USP53: variants seen among roughly 807,000 people sequenced by gnomAD.
The protein encoded by USP53 is ubiquitin specific peptidase 53, also known as ubiquitin carboxyl-terminal hydrolase 53.
Under a neutral mutation model 94.9 loss-of-function variants are expected in USP53, and 71 were observed. That is an observed-to-expected ratio of 0.75 (90% CI 0.62 to 0.91). The LOEUF (loss-of-function observed/expected upper bound fraction) is 0.91, where lower values mean the gene tolerates loss of function less well. USP53 is among the 40% of genes least tolerant of loss of function. The pLI is 0.00. For synonymous variants in USP53, 375 were observed against 422.7 expected (o/e 0.89, Z 1.39); for missense variants, 1,173 against 1,281.0 (o/e 0.92, Z 1.29).
At position 119,271,990 on chromosome 4, in the gene USP53, T is replaced by C. The variant is rs1199878346; in HGVS notation, c.2130T>C (p.Gly710=). The C allele has an allele frequency of 2.5e-5, 41 of 1,611,352 alleles. No homozygotes were observed. The highest frequency in any genetic ancestry group is 3.4e-5 in the Non-Finnish European group (40 of 1,179,316). ...NLDSPVIDGN[G]TVMDISGVKE... is the part of the protein sequence containing the mutation. ...ACTCACCTGTTATCGATGGAAATGG[T>C]ACAGTAATGGATATCAGTGGTGTTA... Residue 710 remains glycine, a synonymous_variant, in exon 16 of 19, where the codon GGT becomes GGC. Transcript: ENST00000692078.
In USP53 at chr4:119,292,530, C is replaced by T. The variant is rs1754873043; in HGVS notation, c.2541C>T (p.Asn847=). Residue 847 remains asparagine, a synonymous_variant, in exon 19 of 19, where the codon AAC becomes AAT. Transcript: ENST00000692078. ...CAGGTTTGCCTTTTCACGTTGATAACTCTGCTTCTGGGAAGAGAGTGAACA... is the reference window on the plus strand; with the variant it reads ...CAGGTTTGCCTTTTCACGTTGATAATTCTGCTTCTGGGAAGAGAGTGAACA... ...ERTGLPFHVD[N]SASGKRVNSN... 6.2e-7 allele frequency: 1 copy of T among 1,613,866 alleles called. No homozygotes were observed. The highest frequency in any genetic ancestry group is 1.3e-5 in the African/African-American group (1 of 74,906).
chr4:119,245,308 T>C, intron 5 of USP53, 29 bp from the exon 6 acceptor site: 1 of 1,602,350 alleles, frequency 6.2e-7, no homozygotes, highest in Non-Finnish European at 8.5e-7. Context: ...TGTTTATTTC[T>C]TTTTCCTTAA....
intron 1 of USP53, among the ~76,000 whole-genome samples, chr4:119,213,660 A>ATATATATATATATATATATATG: frequency 2.5e-5 from 3 of 117,784 alleles, no homozygotes; most frequent in African/African-American, 1.1e-4. Context: ...ATATATATAT[A>ATATATATATATATATATATATG]TGTGTGTGTG....
At chr4:119,213,714 T>A (rs1743285650) in intron 1 of USP53, among the ~76,000 whole-genome samples, 1 of 147,120 alleles carries the variant, frequency 6.8e-6, no homozygotes, top group Non-Finnish European at 1.5e-5. Flanking sequence ...AAAGAATATC[T>A]AAGGCTATTT....
chr4:119,264,116 A>G (rs939510967), intron 12 of USP53, among the ~76,000 whole-genome samples: 5 of 152,176 alleles, frequency 3.3e-5, no homozygotes, highest in African/African-American at 9.6e-5. Context: ...AGCTAATCCC[A>G]CTTTTAAAAT....
chr4:119,268,138 C>T, intron 13 of USP53, 130 bp from the exon 14 acceptor site: 1 of 878,854 alleles, frequency 1.1e-6, no homozygotes, highest in Non-Finnish European at 1.6e-6. Context: ...CTGCAGTCCG[C>T]AGTCCGGCCT....
chr4:119,223,326 G>C (rs1744800701), intron 3 of USP53, among the ~76,000 whole-genome samples: 1 of 152,166 alleles, frequency 6.6e-6, no homozygotes, highest in African/African-American at 2.4e-5. Flanking sequence ...TGTGAAAGCA[G>C]AACTGGGAAA....
chr4:119,275,529 T>C (rs1290706858), intron 17 of USP53, among the ~76,000 whole-genome samples: 4 of 146,282 alleles, frequency 2.7e-5, no homozygotes, highest in Admixed American at 6.8e-5. Flanking sequence ...AGTCAGGTAG[T>C]GTGATGCCTC....
At chr4:119,221,654 T>C (rs1328847855) in intron 3 of USP53, among the ~76,000 whole-genome samples, 3 of 152,056 alleles carry the variant, frequency 2.0e-5, no homozygotes, top group Non-Finnish European at 4.4e-5. Flanking sequence ...AACGGGGAAC[T>C]TGAGCCTTCG....
intron 6 of USP53, among the ~76,000 whole-genome samples, chr4:119,247,448 C>T (rs369302431): frequency 1.3e-5 from 2 of 152,164 alleles, no homozygotes; most frequent in Admixed American, 6.5e-5. Context: ...AGGCCTTCCC[C>T]GACTACCCTA....
At chr4:119,279,644 T>A (rs554318343) in intron 17 of USP53, among the ~76,000 whole-genome samples, 1 of 151,908 alleles carries the variant, frequency 6.6e-6, no homozygotes, top group Non-Finnish European at 1.5e-5. Flanking sequence ...TCGAGCTTCC[T>A]GGCTGCTTTG....
intron 10 of USP53, 61 bp from the exon 11 acceptor site, chr4:119,260,446 T>C: frequency 6.9e-7 from 1 of 1,454,432 alleles, no homozygotes; most frequent in Non-Finnish European, 9.3e-7. Flanking sequence ...TAATGCAAAC[T>C]GTGTAAGGCT....
At chr4:119,215,016 T>C (rs1278812303) in intron 2 of USP53, among the ~76,000 whole-genome samples, 1 of 152,198 alleles carries the variant, frequency 6.6e-6, no homozygotes, top group Non-Finnish European at 1.5e-5. Flanking sequence ...TTTTGACAGC[T>C]TTAACTGTAA....
intron 17 of USP53, among the ~76,000 whole-genome samples, chr4:119,285,624 T>C (rs1415751995): frequency 3.3e-5 from 5 of 152,062 alleles, no homozygotes; most frequent in African/African-American, 1.2e-4. Flanking sequence ...TGTTGTTACA[T>C]CCTAGAATTA....
intron 3 of USP53, among the ~76,000 whole-genome samples, chr4:119,234,089 C>A (rs1022981996): frequency 1.3e-5 from 2 of 152,188 alleles, no homozygotes. Context: ...GTTACCATTT[C>A]CCAAACTGTT....
chr4:119,294,238 A>T lies in USP53; in HGVS notation c.*1027A>T, dbSNP rs938751521. 1 of 152,050 alleles carries T rather than the reference A, an allele frequency of 6.6e-6. No homozygotes were observed. Among genetic ancestry groups the T allele is most frequent in the African/African-American group, 2.4e-5 (1 of 41,424 alleles). The allele number at this position is 152,050 out of a possible 1,614,324, so 9.4% of individuals were successfully genotyped here. A position where few individuals can be genotyped will look rare whatever the true frequency, so the allele number is the denominator to read the frequency against. On this transcript the variant is annotated 3_prime_UTR_variant, in exon 19 of 19. Transcript: ENST00000692078. ...AATATTACCTGCTTATAGGTTGTCA[A>T]CCCATTTTATCTGAATTTGAAAATC... is the stretch of plus-strand genomic sequence containing the variant.
intron 17 of USP53, among the ~76,000 whole-genome samples, chr4:119,274,376 C>T (rs1388277726): frequency 6.6e-6 from 1 of 151,692 alleles, no homozygotes; most frequent in Non-Finnish European, 1.5e-5. Context: ...AGATAGTTTA[C>T]TGAGAATGAT....
chr4:119,219,552 T>C (rs1409162410), intron 3 of USP53: 2 of 152,234 alleles, frequency 1.3e-5, no homozygotes, highest in African/African-American at 2.4e-5. Context: ...CATATGTTTT[T>C]GGGAGACACA....
At chr4:119,261,897 C>A in intron 12 of USP53, 33 bp downstream of exon 12, 1 of 1,406,826 alleles carries the variant, frequency 7.1e-7, no homozygotes, top group Non-Finnish European at 9.4e-7. Context: ...GAAATAATTA[C>A]TGTGATTTTT....
Sources: gnomAD v4.1 joint callset for allele counts (sites outside exome capture counted in the v4.1 genomes callset) on GRCh38, gnomAD v4.1.1 for gene constraint, MANE v1.5 for transcripts, NCBI Gene and HGNC (gene_info 2026-07-23, HGNC 2026-07-21) for gene names.